FSTL4: variants seen among roughly 807,000 people sequenced by gnomAD.
FSTL4 encodes follistatin like 4, also known as follistatin-related protein 4.
Under a neutral mutation model 78.2 loss-of-function variants are expected in FSTL4, and 28 were observed. The observed-to-expected ratio is 0.36, with a 90% CI of 0.27 to 0.49. FSTL4 has a LOEUF of 0.49. FSTL4 is among the 20% of genes least tolerant of loss of function. The pLI, the probability that FSTL4 is intolerant of heterozygous loss-of-function variation, is 0.98. For missense variants in FSTL4, 922 were observed against 1,084.9 expected (o/e 0.85, Z 2.11); for synonymous variants, 422 against 440.5 (o/e 0.96, Z 0.53).
intron 3 of FSTL4, among the ~76,000 whole-genome samples, chr5:133,537,244 T>C (rs561024178): frequency 6.6e-6 from 1 of 152,328 alleles, no homozygotes; most frequent in South Asian, 2.1e-4. Context: ...AATAAACTCC[T>C]TTACAATACT....
chr5:133,540,265 G>A (rs28607876), intron 3 of FSTL4, among the ~76,000 whole-genome samples: 24 of 52,504 alleles, frequency 4.6e-4, no homozygotes, highest in African/African-American at 1.1e-3. Flanking sequence ...ACACACACAC[G>A]CACTCATTCA....
At chr5:133,742,945 T>G in the FSTL4 span, among the ~76,000 whole-genome samples, 1 of 152,156 alleles carries the variant, frequency 6.6e-6, no homozygotes, top group African/African-American at 2.4e-5. Flanking sequence ...CGCCGGAAAG[T>G]CATCCCCGGG....
the FSTL4 span, among the ~76,000 whole-genome samples, chr5:133,665,656 G>A: frequency 2.6e-5 from 4 of 152,128 alleles, no homozygotes; most frequent in Admixed American, 2.6e-4. Context: ...TCTGTGCCTG[G>A]AGAAGAAGGA....
At chr5:133,808,100 T>C in the FSTL4 span, among the ~76,000 whole-genome samples, 2 of 152,242 alleles carry the variant, frequency 1.3e-5, no homozygotes, top group East Asian at 1.9e-4. Context: ...TTCTAAGGCA[T>C]GAAATGTGAA....
chr5:133,521,153 C>T (rs1259976175), intron 3 of FSTL4, among the ~76,000 whole-genome samples: 1 of 152,146 alleles, frequency 6.6e-6, no homozygotes, highest in African/African-American at 2.4e-5. Flanking sequence ...GACCCCCCAT[C>T]CCCAGCAGCA....
chr5:133,228,285 G>A (rs1466209894), intron 8 of FSTL4, among the ~76,000 whole-genome samples: 2 of 152,114 alleles, frequency 1.3e-5, no homozygotes, highest in African/African-American at 4.8e-5. Flanking sequence ...TTGAGTTAAG[G>A]AGAGAATATT....
chr5:133,542,447 T>C (rs2161202), intron 3 of FSTL4, among the ~76,000 whole-genome samples: 64,895 of 151,952 alleles, frequency 0.43, 14,446 homozygotes, highest in African/African-American at 0.55. Context: ...TCTTACCAGG[T>C]TTTGGTGTCA....
rs143527042 is a variant in FSTL4, at chr5:133,395,252, C to T, written c.409+5486G>A. On this transcript the variant is annotated intron_variant, in intron 4 of 15. Coordinates refer to ENST00000265342, the MANE Select transcript of FSTL4 (RefSeq NM_015082.2). ...ATTGCTGCTGCTCACTCTTTGGGTCCGCACTGCCTTAGGTCTGCAGCTTCA... is the reference window on the plus strand; with the variant it reads ...ATTGCTGCTGCTCACTCTTTGGGTCTGCACTGCCTTAGGTCTGCAGCTTCA... Among the ~76,000 whole-genome samples, 704 of 152,250 alleles carry T rather than the reference C, an allele frequency of 4.6e-3. 5 individuals carry two copies. The highest frequency in any genetic ancestry group is 0.01 in the Middle Eastern group (3 of 294).
At chr5:133,592,418 AT>A (rs550513346) in intron 2 of FSTL4, among the ~76,000 whole-genome samples, 9 of 152,216 alleles carry the variant, frequency 5.9e-5, no homozygotes, top group Admixed American at 2.6e-4. Flanking sequence ...ATAAATTCAG[AT>A]TTAAATTATA....
chr5:133,387,939 C>T (rs904007317), intron 4 of FSTL4: 5 of 152,206 alleles, frequency 3.3e-5, no homozygotes, highest in African/African-American at 1.2e-4. Context: ...CACCTGGGAA[C>T]AGCCATGGAC....
chr5:133,778,049 C>A, the FSTL4 span, among the ~76,000 whole-genome samples: 3 of 152,218 alleles, frequency 2.0e-5, no homozygotes, highest in African/African-American at 7.2e-5. Flanking sequence ...GGGGTCTCAG[C>A]TGGTCAGTGG....
intron 3 of FSTL4, among the ~76,000 whole-genome samples, chr5:133,404,660 T>G (rs1310958495): frequency 6.6e-6 from 1 of 152,142 alleles, no homozygotes; most frequent in African/African-American, 2.4e-5. Context: ...TGCCATGAAC[T>G]GGGAGCATAG....
At chr5:133,402,203 C>T (rs1756246224) in intron 3 of FSTL4, among the ~76,000 whole-genome samples, 1 of 152,170 alleles carries the variant, frequency 6.6e-6, no homozygotes, top group Admixed American at 6.5e-5. Context: ...GCTTGAGTGT[C>T]CCCTGCACCC....
chr5:133,616,020 T>C (rs968877334), upstream of FSTL4, among the ~76,000 whole-genome samples: 1 of 152,182 alleles, frequency 6.6e-6, no homozygotes, highest in African/African-American at 2.4e-5. Context: ...GGGGCTGGAT[T>C]GATGGCACAA....
chr5:133,726,935 C>A, the FSTL4 span, among the ~76,000 whole-genome samples: 1 of 152,152 alleles, frequency 6.6e-6, no homozygotes, highest in Non-Finnish European at 1.5e-5. Context: ...TTTTCAAAGT[C>A]TGGATCCTCC....
intron 3 of FSTL4, among the ~76,000 whole-genome samples, chr5:133,404,200 G>A (rs1756302670): frequency 6.6e-6 from 1 of 152,238 alleles, no homozygotes; most frequent in Admixed American, 6.5e-5. Flanking sequence ...GTAAGGCCCA[G>A]AATCTGATCC....
At chr5:133,833,933 T>C in the FSTL4 span, among the ~76,000 whole-genome samples, 1 of 152,162 alleles carries the variant, frequency 6.6e-6, no homozygotes, top group South Asian at 2.1e-4. Flanking sequence ...AATCTAGCTC[T>C]TTATCTAAGA....
chr5:133,459,614 C>T (rs1057331840), intron 3 of FSTL4, among the ~76,000 whole-genome samples: 11 of 152,104 alleles, frequency 7.2e-5, no homozygotes, highest in Admixed American at 4.6e-4. Flanking sequence ...GAATTAACAA[C>T]AAAGCAAAAC....
At chr5:133,532,257 AAAG>A (rs773949657) in intron 3 of FSTL4, among the ~76,000 whole-genome samples, 43 of 152,372 alleles carry the variant, frequency 2.8e-4, no homozygotes, top group Non-Finnish European at 5.6e-4. Context: ...GAGCATGTAG[AAAG>A]AAGAACTGCC....
Sources: allele counts gnomAD v4.1 joint callset (sites outside exome capture counted in the v4.1 genomes callset), GRCh38; gene constraint gnomAD v4.1.1; transcripts MANE v1.5; gene names NCBI Gene and HGNC (gene_info 2026-07-23, HGNC 2026-07-21).